Variants in CDK7 observed in about 807,000 individuals in gnomAD.
CDK7 encodes the protein cyclin-dependent kinase 7.
Under a neutral mutation model 49.1 loss-of-function variants are expected in CDK7, and 25 were observed. The ratio of observed to expected loss-of-function variants is 0.51; its 90% confidence interval spans 0.37 to 0.71. CDK7 has a LOEUF of 0.71. Ranked by LOEUF, CDK7 falls within the 30% of genes least tolerant of loss-of-function variation. The probability of loss-of-function intolerance (pLI) is 0.00; values close to 1 mark genes in which losing one functional copy is unlikely to be tolerated. For synonymous variants in CDK7, 107 were observed against 140.0 expected (o/e 0.76, Z 1.67); for missense variants, 316 against 411.7 (o/e 0.77, Z 2.01).
chr5:69,255,695 A>G, intron 5 of CDK7, 167 bp downstream of exon 5: 1 of 670,814 alleles, frequency 1.5e-6, no homozygotes, highest in South Asian at 1.6e-5. Flanking sequence ...ATTTTCTTCT[A>G]ATCATTTAGT....
chr5:69,270,059 C>CT (rs1206332246), intron 9 of CDK7, among the ~76,000 whole-genome samples: 22 of 115,294 alleles, frequency 1.9e-4, no homozygotes, highest in African/African-American at 7.2e-4. Context: ...GAGTGAGACT[C>CT]TGTCTCCAAA....
intron 3 of CDK7, 73 bp from the exon 4 acceptor site, chr5:69,254,521 CAAAAAAAA>C (rs35239844): frequency 2.1e-6 from 1 of 477,222 alleles, no homozygotes; most frequent in Non-Finnish European, 3.6e-6. Flanking sequence ...GACTCCATCT[CAAAAAAAA>C]AAAAAAAAAA....
At chr5:69,251,905 T>C (rs925068789) in intron 2 of CDK7, among the ~76,000 whole-genome samples, 1 of 152,232 alleles carries the variant, frequency 6.6e-6, no homozygotes, top group African/African-American at 2.4e-5. Flanking sequence ...TAATTTATTT[T>C]GTGTAAGACT....
At position 69,262,367 on chromosome 5, in the gene CDK7, G is replaced by A. The variant is rs1750884287; in HGVS notation, c.627+63G>A. The A allele has an allele frequency of 5.6e-6, 9 of 1,609,398 alleles. No homozygotes were observed. In the Admixed American group the frequency reaches 1.2e-4, roughly 21 times the overall value. ...TTGCAGTTATTTGTTCTGACAGTTTGTATAAGAATTCTTGTCCTAGGCCAG... is the reference window on the plus strand; with the variant it reads ...TTGCAGTTATTTGTTCTGACAGTTTATATAAGAATTCTTGTCCTAGGCCAG... On this transcript the variant is annotated intron_variant, in intron 8 of 11. Transcript: ENST00000256443.
intron 8 of CDK7, among the ~76,000 whole-genome samples, chr5:69,267,409 G>A (rs1364585649): frequency 1.4e-5 from 2 of 145,688 alleles, no homozygotes; most frequent in Admixed American, 1.4e-4. Flanking sequence ...AGTGATTCTC[G>A]TGCCTCAGCC....
intron 1 of CDK7, 44 bp from the exon 2 acceptor site, chr5:69,235,350 C>A: frequency 7.0e-7 from 1 of 1,420,918 alleles, no homozygotes; most frequent in Non-Finnish European, 9.9e-7. Context: ...AAGGCAAACA[C>A]AAAAACTCCC....
At chr5:69,269,141 T>TA (rs892178861) in intron 8 of CDK7, 66 bp from the exon 9 acceptor site, 27 of 1,074,216 alleles carry the variant, frequency 2.5e-5, no homozygotes, top group East Asian at 1.2e-4. Flanking sequence ...TCTGTCTCTC[T>TA]AAAAAAAGAA....
At chr5:69,266,159 A>G (rs1751145207) in intron 8 of CDK7, among the ~76,000 whole-genome samples, 1 of 152,184 alleles carries the variant, frequency 6.6e-6, no homozygotes, top group South Asian at 2.1e-4. Flanking sequence ...TAGAGGGCGC[A>G]CTTGCGGTCA....
chr5:69,269,842 C>G (rs1477586142), intron 9 of CDK7, among the ~76,000 whole-genome samples: 8 of 151,270 alleles, frequency 5.3e-5, no homozygotes, highest in Non-Finnish European at 1.2e-4. Context: ...CTCAGCCTCC[C>G]AAAGTGCTGG....
At chr5:69,248,777 A>G (rs1370634777) in intron 2 of CDK7, among the ~76,000 whole-genome samples, 2 of 137,052 alleles carry the variant, frequency 1.5e-5, no homozygotes, top group African/African-American at 2.7e-5. Flanking sequence ...TTGGTATTCT[A>G]TAACCTTCTT....
At chr5:69,244,586 A>G (rs1561348672) in intron 2 of CDK7, among the ~76,000 whole-genome samples, 1 of 150,930 alleles carries the variant, frequency 6.6e-6, no homozygotes, top group African/African-American at 2.4e-5. Context: ...TGGTGAGCCA[A>G]GATCACACCA....
At chr5:69,272,117 C>T (rs569185062) in intron 9 of CDK7, among the ~76,000 whole-genome samples, 3 of 151,954 alleles carry the variant, frequency 2.0e-5, no homozygotes, top group Non-Finnish European at 4.4e-5. Flanking sequence ...ACATGTATGT[C>T]GAAGTGTTCC....
intron 5 of CDK7, 114 bp from the exon 6 acceptor site, chr5:69,257,929 C>G: frequency 1.5e-6 from 1 of 669,800 alleles, no homozygotes; most frequent in Non-Finnish European, 2.6e-6. Flanking sequence ...TAGATAACCT[C>G]TTTTGAGAGT....
At chr5:69,276,153 C>T (rs1021990196) in intron 10 of CDK7, among the ~76,000 whole-genome samples, 4 of 152,058 alleles carry the variant, frequency 2.6e-5, no homozygotes, top group Non-Finnish European at 4.4e-5. Flanking sequence ...CTCAGCCTCC[C>T]GAGTAGTGGG....
rs571472698 is a variant in CDK7 at position 69,260,299 on chromosome 5, G to C, written c.527+363G>C. ...AGAGAGGCAGAAGTTGCAGTGAGCAGAGATTGCACCACCGCACTCCAGCCT... is the reference window on the plus strand; with the variant it reads ...AGAGAGGCAGAAGTTGCAGTGAGCACAGATTGCACCACCGCACTCCAGCCT... On this transcript the variant is annotated intron_variant, in intron 7 of 11. Coordinates refer to ENST00000256443, the MANE Select transcript of CDK7 (RefSeq NM_001799.4). 2.6e-5 allele frequency among the ~76,000 whole-genome samples: 4 copies of C among 152,142 alleles called. No homozygotes were observed. In the South Asian group the frequency reaches 6.2e-4, roughly 24 times the overall value.
At chr5:69,269,370 T>A in intron 9 of CDK7, 77 bp downstream of exon 9, 1 of 887,582 alleles carries the variant, frequency 1.1e-6, no homozygotes. Context: ...CTTTATATAG[T>A]GCTGTCACGT....
chr5:69,254,000 T>C (rs2150204047), intron 3 of CDK7, among the ~76,000 whole-genome samples: 1 of 152,150 alleles, frequency 6.6e-6, no homozygotes, highest in South Asian at 2.1e-4. Flanking sequence ...CTCGGGAGGC[T>C]GAGGTGGGAA....
chr5:69,241,790 C>G (rs920800939), intron 2 of CDK7, among the ~76,000 whole-genome samples: 1 of 152,050 alleles, frequency 6.6e-6, no homozygotes, highest in African/African-American at 2.4e-5. Flanking sequence ...GTTTGAGCTT[C>G]TTATATATTC....
chr5:69,235,293 G>C, intron 1 of CDK7, 101 bp from the exon 2 acceptor site: 1 of 935,762 alleles, frequency 1.1e-6, no homozygotes, highest in Non-Finnish European at 1.7e-6. Context: ...CCGCGAGTCT[G>C]CTCAGGAACT....
Sources: gnomAD v4.1 joint callset for allele counts (sites outside exome capture counted in the v4.1 genomes callset) on GRCh38, gnomAD v4.1.1 for gene constraint, MANE v1.5 for transcripts, NCBI Gene and HGNC (gene_info 2026-07-23, HGNC 2026-07-21) for gene names.